TMEM116: variants seen among roughly 807,000 people sequenced by gnomAD.
TMEM116 encodes the protein transmembrane protein 116.
Under a neutral mutation model 44.3 loss-of-function variants are expected in TMEM116, and 38 were observed. That is an observed-to-expected ratio of 0.86 (90% CI 0.66 to 1.12). The LOEUF (loss-of-function observed/expected upper bound fraction) is 1.12. Among genes scored for constraint, TMEM116 ranks in the 50% most tolerant of loss-of-function variants. The pLI, the probability that TMEM116 is intolerant of heterozygous loss-of-function variation, is 0.00. For synonymous variants in TMEM116, 132 were observed against 144.8 expected (o/e 0.91, Z 0.64); for missense variants, 354 against 401.7 (o/e 0.88, Z 1.01).
intron 4 of TMEM116, among the ~76,000 whole-genome samples, chr12:111,961,872 G>A (rs759289138): frequency 6.6e-5 from 10 of 152,174 alleles, no homozygotes; most frequent in Non-Finnish European, 1.3e-4. Flanking sequence ...AAAAGAGGAG[G>A]TCTAATTGTC....
At chr12:111,948,518 T>C (rs1402326120) in intron 4 of TMEM116, among the ~76,000 whole-genome samples, 3 of 152,196 alleles carry the variant, frequency 2.0e-5, no homozygotes, top group Non-Finnish European at 4.4e-5. Context: ...CAGTAAATAT[T>C]TTGTTGGATG....
In TMEM116 at chr12:111,992,058, G is replaced by C. The variant is rs866499710; in HGVS notation, c.79-169C>G. ...GCAAGGGAAGACTACAGATAGGAAG[G>C]AATCTATAACCACTATAACCACAGT... On this transcript the variant is annotated intron_variant, in intron 3 of 10. Coordinates refer to ENST00000552374, the MANE Select transcript of TMEM116 (RefSeq NM_001193531.2). Among the ~76,000 whole-genome samples the C allele has an allele frequency of 3.9e-5, 6 of 152,282 alleles. No homozygotes were observed. In the Middle Eastern group the frequency reaches 0.01, roughly 261 times the overall value.
At chr12:112,011,993 G>A (rs1355245411) in intron 1 of TMEM116, 4 of 152,180 alleles carry the variant, frequency 2.6e-5, no homozygotes, top group Non-Finnish European at 4.4e-5. Flanking sequence ...CCTTTAGCTT[G>A]GTGAGACCCT....
chr12:111,966,690 C>G (rs979885800), intron 4 of TMEM116, among the ~76,000 whole-genome samples: 4 of 152,186 alleles, frequency 2.6e-5, no homozygotes, highest in Admixed American at 1.3e-4. Flanking sequence ...CTTACTATTT[C>G]TCTTCTGATG....
At chr12:112,009,683 CAA>C (rs774025829) in intron 1 of TMEM116, among the ~76,000 whole-genome samples, 2 of 138,574 alleles carry the variant, frequency 1.4e-5, no homozygotes, top group African/African-American at 2.6e-5. Flanking sequence ...ACTAAAAATA[CAA>C]AAAAAAAAAA....
At chr12:111,978,960 T>C (rs1246174601) in intron 4 of TMEM116, among the ~76,000 whole-genome samples, 4 of 152,218 alleles carry the variant, frequency 2.6e-5, no homozygotes, top group Non-Finnish European at 4.4e-5. Flanking sequence ...GTTAGACTTA[T>C]AGACATCCAT....
chr12:112,005,668 A>G, intron 1 of TMEM116: 1 of 986,080 alleles, frequency 1.0e-6, no homozygotes, highest in Non-Finnish European at 1.2e-6. Context: ...TTAAGAAAAA[A>G]GAAACCTGGG....
In TMEM116 at chr12:111,991,895, A is replaced by C. The variant is rs2076626979; in HGVS notation, c.79-6T>G. ...AGATAAAAAAGTGGTCTTATCTGTC[A>C]AAGTAATAAAATCCTCATTTCATAT... On this transcript the variant is annotated splice_region_variant and splice_polypyrimidine_tract_variant and intron_variant, in intron 3 of 10. Coordinates refer to ENST00000552374, the MANE Select transcript of TMEM116 (RefSeq NM_001193531.2). 10 of 1,534,076 alleles carry C rather than the reference A, an allele frequency of 6.5e-6. No individual in the cohort carries two copies. The highest frequency in any genetic ancestry group is 8.7e-6 in the Non-Finnish European group (10 of 1,145,404).
rs200298981 is a variant in TMEM116, at chr12:111,931,641, T to A, written c.994A>T (p.Ser332Cys). 1.4e-5 allele frequency: 23 copies of A among 1,614,126 alleles called. No individual in the cohort carries two copies. Among genetic ancestry groups the A allele is most frequent in the Middle Eastern group, 1.6e-4 (1 of 6,084 alleles). ...TAGTTTCAAAAAATGGTAGAAGTAC[T>A]GGCAGGAAAAGTCAGGGTGGATTCC... ...SLESTLTFPA[S>C]TSTIF Residue 332 changes from serine (S) to cysteine (C), a missense_variant, in exon 11 of 11, where the codon AGT becomes TGT. By Grantham distance (112) the Ser-to-Cys change is moderately radical. Transcript: ENST00000552374.
intron 5 of TMEM116, among the ~76,000 whole-genome samples, chr12:111,938,854 A>C (rs2072409186): frequency 6.6e-6 from 1 of 151,962 alleles, no homozygotes; most frequent in Admixed American, 6.6e-5. Flanking sequence ...TTAAAGAAAT[A>C]ATAGAATTAA....
intron 5 of TMEM116, 48 bp downstream of exon 5, chr12:111,943,217 C>A: frequency 1.4e-6 from 2 of 1,476,696 alleles, no homozygotes; most frequent in South Asian, 2.3e-5. Flanking sequence ...AGTCACCACA[C>A]CCGGCCTAGC....
chr12:112,005,147 C>G (rs1438095308), intron 2 of TMEM116, 110 bp downstream of exon 2: 1 of 652,214 alleles, frequency 1.5e-6, no homozygotes, highest in African/African-American at 1.9e-5. Context: ...AATATCATTT[C>G]TCTTTAACTA....
chr12:111,983,116 C>T (rs900326195), intron 4 of TMEM116, among the ~76,000 whole-genome samples: 10 of 151,606 alleles, frequency 6.6e-5, no homozygotes, highest in Admixed American at 4.6e-4. Flanking sequence ...GGCAACATAG[C>T]GAGACCTTGT....
chr12:111,985,121 T>C (rs559866596), intron 4 of TMEM116, among the ~76,000 whole-genome samples: 1 of 152,338 alleles, frequency 6.6e-6, no homozygotes, highest in African/African-American at 2.4e-5. Context: ...AAGGTGAGGA[T>C]GCCTGCTTTT....
chr12:111,994,998 G>A (rs918240984), intron 3 of TMEM116, among the ~76,000 whole-genome samples: 3 of 151,910 alleles, frequency 2.0e-5, no homozygotes, highest in Non-Finnish European at 4.4e-5. Flanking sequence ...TAGTAATCTT[G>A]GTGATGTGAA....
chr12:111,972,330 C>T (rs1012496820), intron 4 of TMEM116, among the ~76,000 whole-genome samples: 1 of 151,892 alleles, frequency 6.6e-6, no homozygotes, highest in Non-Finnish European at 1.5e-5. Flanking sequence ...AAAAGAGATT[C>T]AAAATACATG....
intron 5 of TMEM116, among the ~76,000 whole-genome samples, chr12:111,942,500 C>T (rs2072921389): frequency 6.6e-6 from 1 of 152,074 alleles, no homozygotes; most frequent in Non-Finnish European, 1.5e-5. Flanking sequence ...TGTCAATCTC[C>T]TGACCTCGTG....
intron 3 of TMEM116, among the ~76,000 whole-genome samples, chr12:111,998,556 G>A (rs2077053566): frequency 6.6e-6 from 1 of 152,226 alleles, no homozygotes; most frequent in Non-Finnish European, 1.5e-5. Flanking sequence ...AGTGGCTCAT[G>A]CCTGTAATCC....
intron 4 of TMEM116, among the ~76,000 whole-genome samples, chr12:111,971,905 C>T (rs1454132369): frequency 6.6e-6 from 1 of 151,728 alleles, no homozygotes; most frequent in Non-Finnish European, 1.5e-5. Context: ...AGTGAAACCC[C>T]ATCTCTACAA....
Sources: gnomAD v4.1 joint callset for allele counts (sites outside exome capture counted in the v4.1 genomes callset) on GRCh38, gnomAD v4.1.1 for gene constraint, MANE v1.5 for transcripts, NCBI Gene and HGNC (gene_info 2026-07-23, HGNC 2026-07-21) for gene names.